ZNF292: variants seen among roughly 807,000 people sequenced by gnomAD.
ZNF292 encodes the protein 16 zinc-finger domain protein.
In ZNF292, 26 loss-of-function variants were observed where a neutral mutation model predicts 217.9. The observed-to-expected ratio is 0.12, with a 90% CI of 0.09 to 0.17. ZNF292 has a LOEUF of 0.17. ZNF292 is among the 10% of genes least tolerant of loss of function. The pLI is 1.00. For missense variants in ZNF292, 2,904 were observed against 3,175.2 expected, an observed-to-expected ratio of 0.91 and a Z score of 2.05; for synonymous variants, 1,257 against 1,124.1, an observed-to-expected ratio of 1.12 and a Z score of -2.37.
rs761512151 is a variant in ZNF292 at position 87,261,265 on chromosome 6, A to G, written c.7636A>G (p.Lys2546Glu). The change falls in exon 8 of 8, where the codon AAA becomes GAA. Residue 2546 changes from lysine (K) to glutamate (E), a missense_variant. Physicochemically the swap from Lys to Glu is moderately conservative, Grantham distance 56 (BLOSUM62 1). Coordinates refer to ENST00000369577, the MANE Select transcript of ZNF292 (RefSeq NM_015021.3). The stretch of plus-strand genomic sequence containing the variant: ...AAATGTCTCACAAAATAAAAAAAGG[A>G]AAGTTGAAAAAGCTGAACCAGCATC... ...EKNVSQNKKR[K>E]VEKAEPASAA... 2.5e-6 allele frequency: 4 copies of G among 1,610,642 alleles called. No homozygotes were observed. Among genetic ancestry groups the G allele is most frequent in the South Asian group, 1.1e-5 (1 of 90,482 alleles).
chr6:87,176,885 G>A (rs1771315916), intron 1 of ZNF292, among the ~76,000 whole-genome samples: 2 of 152,116 alleles, frequency 1.3e-5, no homozygotes, highest in African/African-American at 4.8e-5. Context: ...CTTCCTCGTG[G>A]ATGTTTAGTA....
chr6:87,220,474 A>G (rs1013052917), intron 4 of ZNF292, among the ~76,000 whole-genome samples: 3 of 152,140 alleles, frequency 2.0e-5, no homozygotes, highest in Admixed American at 6.5e-5. Context: ...TGAGAGGCAG[A>G]GCCAGGAATT....
intron 1 of ZNF292, among the ~76,000 whole-genome samples, chr6:87,213,132 C>CAGTG (rs1772575342): frequency 6.6e-6 from 1 of 152,156 alleles, no homozygotes; most frequent in African/African-American, 2.4e-5. Flanking sequence ...CTTGAACATA[C>CAGTG]AGTGGCCTGG....
chr6:87,190,787 A>T (rs1368902258), intron 1 of ZNF292, among the ~76,000 whole-genome samples: 1 of 152,226 alleles, frequency 6.6e-6, no homozygotes, highest in African/African-American at 2.4e-5. Context: ...GGAACATTTA[A>T]ATAGTTAATA....
chr6:87,214,776 G>T (rs1261831866), intron 1 of ZNF292, among the ~76,000 whole-genome samples: 1 of 152,058 alleles, frequency 6.6e-6, no homozygotes, highest in Admixed American at 6.5e-5. Flanking sequence ...TTATTTTGTT[G>T]CCCTTTAGTT....
intron 1 of ZNF292, among the ~76,000 whole-genome samples, chr6:87,209,104 A>ACCCCCCCCCCCCCCCCC (rs5878022): frequency 7.3e-6 from 1 of 137,306 alleles, no homozygotes; most frequent in African/African-American, 3.0e-5. Context: ...CCCCACTTTC[A>ACCCCCCCCCCCCCCCCC]CCCCCCCCTC....
rs1369417936 is a variant in ZNF292, at chr6:87,259,113, T to C, written c.5484T>C (p.Ser1828=). ...CAACAAAAAGTAACATTCCTCAGTC[T>C]GAAGTATCACATAAGGAGGATCAAA... ...VMPTKSNIPQ[S]EVSHKEDQIQ... is the part of the protein sequence containing the mutation. Residue 1828 remains serine (S), a synonymous_variant, in exon 8 of 8, where the codon TCT becomes TCC. Coordinates refer to ENST00000369577, the MANE Select transcript of ZNF292 (RefSeq NM_015021.3). The C allele has an allele frequency of 2.5e-6, 4 of 1,613,304 alleles. No individual in the cohort carries two copies. In the South Asian group the frequency reaches 4.4e-5, roughly 18 times the overall value.
chr6:87,159,495 CTTTTTT>C (rs772140637), intron 1 of ZNF292, among the ~76,000 whole-genome samples: 2 of 124,502 alleles, frequency 1.6e-5, no homozygotes, highest in East Asian at 4.4e-4. Context: ...TCTTTTCTTT[CTTTTTT>C]TTTTTTTTTT....
chr6:87,189,305 A>G (rs1258121764), intron 1 of ZNF292, among the ~76,000 whole-genome samples: 1 of 152,156 alleles, frequency 6.6e-6, no homozygotes, highest in Admixed American at 6.5e-5. Flanking sequence ...GGAAGATAGT[A>G]TAGTGAGTTC....
At chr6:87,155,810 A>AGGGC in intron 1 of ZNF292, 51 bp downstream of exon 1, 1 of 1,497,540 alleles carries the variant, frequency 6.7e-7, no homozygotes, top group Non-Finnish European at 8.9e-7. Context: ...GAGGGGGAAG[A>AGGGC]GGGCGAGCGA....
intron 1 of ZNF292, among the ~76,000 whole-genome samples, chr6:87,198,353 C>G (rs1364090694): frequency 6.6e-6 from 1 of 152,016 alleles, no homozygotes; most frequent in Non-Finnish European, 1.5e-5. Flanking sequence ...TACAGGCGTC[C>G]GCCACCACAC....
Position 87,208,683 on chromosome 6 carries a change from G to T in ZNF292, c.169-7220G>T, listed in dbSNP as rs77510748. 2.2e-3 allele frequency among the ~76,000 whole-genome samples: 331 copies of T among 152,008 alleles called. 1 individual carries two copies. Among genetic ancestry groups the T allele is most frequent in the African/African-American group, 7.7e-3 (320 of 41,464 alleles). On this transcript the variant is annotated intron_variant, in intron 1 of 7. Coordinates refer to ENST00000369577, the MANE Select transcript of ZNF292 (RefSeq NM_015021.3). ...TGGTCTTTAAATACCATATTTAAGG[G>T]TATACTGCTAAAAAGGTGATTGAGA...
chr6:87,177,213 GC>G (rs1008986753), intron 1 of ZNF292, among the ~76,000 whole-genome samples: 68 of 151,878 alleles, frequency 4.5e-4, no homozygotes, highest in Middle Eastern at 3.4e-3. Flanking sequence ...TGTAATCCCA[GC>G]TACTCAGGAT....
chr6:87,179,421 A>G (rs1056080140), intron 1 of ZNF292, among the ~76,000 whole-genome samples: 11 of 152,094 alleles, frequency 7.2e-5, no homozygotes, highest in Non-Finnish European at 1.5e-4. Context: ...TCAGCCTCCC[A>G]AAGTGCTGGG....
At chr6:87,203,212 C>T (rs1772144312) in intron 1 of ZNF292, among the ~76,000 whole-genome samples, 1 of 147,252 alleles carries the variant, frequency 6.8e-6, no homozygotes, top group South Asian at 2.1e-4. Context: ...ATGATCATGG[C>T]TCACTGCAAC....
intron 7 of ZNF292, among the ~76,000 whole-genome samples, chr6:87,253,421 G>C (rs1291643050): frequency 6.6e-6 from 1 of 151,294 alleles, no homozygotes; most frequent in African/African-American, 2.4e-5. Flanking sequence ...TAGAGATGGG[G>C]GTTTCCCTAT....
chr6:87,191,594 G>C (rs1771824425), intron 1 of ZNF292, among the ~76,000 whole-genome samples: 1 of 152,180 alleles, frequency 6.6e-6, no homozygotes, highest in Admixed American at 6.5e-5. Context: ...AAAGTGCAGT[G>C]ATAAACATTC....
In ZNF292 at chr6:87,235,017, A is replaced by C. The variant is rs143411826; in HGVS notation, c.741+1490A>C. Among the ~76,000 whole-genome samples, 545 of 152,280 alleles carry C rather than the reference A, an allele frequency of 3.6e-3. 2 individuals carry two copies. Among genetic ancestry groups the C allele is most frequent in the African/African-American group, 0.013 (524 of 41,554 alleles). On this transcript the variant is annotated intron_variant, in intron 5 of 7. Transcript: ENST00000369577. ...CAGTTTGTAGGCTAGATGGAGTGGAACCATGGTCTGTAGCCTAGGATACTA... is the reference window on the plus strand; with the variant it reads ...CAGTTTGTAGGCTAGATGGAGTGGACCCATGGTCTGTAGCCTAGGATACTA...
At chr6:87,187,840 G>A (rs1771711298) in intron 1 of ZNF292, among the ~76,000 whole-genome samples, 1 of 152,064 alleles carries the variant, frequency 6.6e-6, no homozygotes, top group Middle Eastern at 3.4e-3. Flanking sequence ...TTAAATGCCT[G>A]TAGACCCCAG....
Sources: gnomAD v4.1 joint callset for allele counts (sites outside exome capture counted in the v4.1 genomes callset) on GRCh38, gnomAD v4.1.1 for gene constraint, MANE v1.5 for transcripts, NCBI Gene and HGNC (gene_info 2026-07-23, HGNC 2026-07-21) for gene names.